The following PAX5 variants were observed in gnomAD, a reference collection of about 807,000 sequenced individuals.
PAX5 encodes paired box 5.
In PAX5, 9 loss-of-function variants were observed where a neutral mutation model predicts 43.7. The ratio of observed to expected loss-of-function variants is 0.21; its 90% CI spans 0.12 to 0.36. The LOEUF (loss-of-function observed/expected upper bound fraction) is 0.36, where lower values mean the gene tolerates loss of function less well. PAX5 is among the 10% of genes least tolerant of loss of function. The pLI is 1.00. For synonymous variants in PAX5, 228 were observed against 214.3 expected, an observed-to-expected ratio of 1.06 and a Z score of -0.56; for missense variants, 383 against 532.7, an observed-to-expected ratio of 0.72 and a Z score of 2.77.
chr9:36,895,309 ATC>A (rs959407612), intron 7 of PAX5, among the ~76,000 whole-genome samples: 7 of 152,202 alleles, frequency 4.6e-5, no homozygotes, highest in Admixed American at 2.6e-4. Context: ...CAGCACTGGG[ATC>A]TTTCTATTTG....
chr9:36,964,262 CACA>C (rs1834222821), intron 6 of PAX5, among the ~76,000 whole-genome samples: 1 of 151,464 alleles, frequency 6.6e-6, no homozygotes, highest in South Asian at 2.1e-4. Context: ...GCCTGGGCGA[CACA>C]ACAAGATTCT....
intron 6 of PAX5, among the ~76,000 whole-genome samples, chr9:36,925,087 C>T (rs1830542744): frequency 6.6e-6 from 1 of 152,068 alleles, no homozygotes; most frequent in Non-Finnish European, 1.5e-5. Flanking sequence ...AAAGGAGCCA[C>T]TGGGTGGCAG....
intron 1 of PAX5, among the ~76,000 whole-genome samples, chr9:37,029,230 C>G (rs974617399): frequency 1.6e-4 from 24 of 152,208 alleles, no homozygotes; most frequent in Non-Finnish European, 2.9e-4. Context: ...TTGTTTTATT[C>G]TCTGCCTCGG....
At chr9:36,948,779 C>A (rs1008661673) in intron 6 of PAX5, among the ~76,000 whole-genome samples, 2 of 152,018 alleles carry the variant, frequency 1.3e-5, no homozygotes, top group African/African-American at 4.8e-5. Context: ...CAAGACAATT[C>A]TTAGCCACTT....
At chr9:36,917,889 T>C (rs941666222) in intron 7 of PAX5, among the ~76,000 whole-genome samples, 4 of 152,166 alleles carry the variant, frequency 2.6e-5, no homozygotes, top group East Asian at 3.8e-4. Flanking sequence ...TATTATTATA[T>C]CTGTTATGGT....
intron 8 of PAX5, among the ~76,000 whole-genome samples, chr9:36,875,449 G>T (rs1825828277): frequency 1.3e-5 from 2 of 152,194 alleles, no homozygotes; most frequent in South Asian, 4.1e-4. Context: ...AATGACTTCA[G>T]CTGGGCTTAG....
At chr9:36,916,460 A>G (rs1167355992) in intron 7 of PAX5, among the ~76,000 whole-genome samples, 1 of 152,218 alleles carries the variant, frequency 6.6e-6, no homozygotes, top group East Asian at 1.9e-4. Flanking sequence ...ATTTTGATAA[A>G]GTCAAAAGAA....
At chr9:36,902,283 A>G (rs1379339168) in intron 7 of PAX5, among the ~76,000 whole-genome samples, 2 of 152,190 alleles carry the variant, frequency 1.3e-5, no homozygotes, top group Admixed American at 6.5e-5. Flanking sequence ...CTTCTTCCCA[A>G]ATCACAGACA....
intron 8 of PAX5, among the ~76,000 whole-genome samples, chr9:36,876,696 G>C (rs952745436): frequency 6.6e-6 from 1 of 152,184 alleles, no homozygotes; most frequent in Non-Finnish European, 1.5e-5. Context: ...TTTGAAAACT[G>C]TTTCCTTTCT....
In PAX5 at chr9:36,930,824, C is replaced by T. The variant is rs577264022; in HGVS notation, c.781-7340G>A. Reference sequence around the variant, plus strand: ...GAGGTTCAGGAATTCTAGCAAGGGACTCAAGGAGGCACGTGCCCCAGGAGA... The same window carrying T: ...GAGGTTCAGGAATTCTAGCAAGGGATTCAAGGAGGCACGTGCCCCAGGAGA... On this transcript the variant is annotated intron_variant, in intron 6 of 9. Transcript: ENST00000358127. 68 of 1,302,066 alleles carry T rather than the reference C, an allele frequency of 5.2e-5. 1 individual carries two copies. The highest frequency in any genetic ancestry group is 4.2e-4 in the Middle Eastern group (2 of 4,778). The allele number at this position is 1,302,066 out of a possible 1,614,324, so 80.7% of individuals were successfully genotyped here.
At chr9:36,883,164 C>A (rs779892852) in intron 7 of PAX5, among the ~76,000 whole-genome samples, 3 of 152,132 alleles carry the variant, frequency 2.0e-5, no homozygotes, top group Non-Finnish European at 2.9e-5. Flanking sequence ...AGTCTGCCCC[C>A]CTGCCCCCTG....
chr9:36,949,775 C>T (rs1052252451), intron 6 of PAX5, among the ~76,000 whole-genome samples: 2 of 152,208 alleles, frequency 1.3e-5, no homozygotes, highest in African/African-American at 4.8e-5. Context: ...GGCATGGGGT[C>T]TGCAAAATTC....
chr9:36,994,801 T>A (rs1266600886), intron 5 of PAX5, among the ~76,000 whole-genome samples: 2 of 152,124 alleles, frequency 1.3e-5, no homozygotes, highest in African/African-American at 2.4e-5. Context: ...CAGGCATCCA[T>A]CCATACATGA....
At chr9:37,006,894 G>A (rs770338757) in intron 3 of PAX5, among the ~76,000 whole-genome samples, 5 of 152,174 alleles carry the variant, frequency 3.3e-5, no homozygotes, top group African/African-American at 4.8e-5. Flanking sequence ...GACTCATTGA[G>A]TGACTTTAGG....
chr9:36,836,617 G>A lies in PAX5; in HGVS notation c.*3943C>T, dbSNP rs1821660333. 1 of 232,868 alleles carries A rather than the reference G, an allele frequency of 4.3e-6. No individual in the cohort carries two copies. The highest frequency in any genetic ancestry group is 5.6e-5 in the Admixed American group (1 of 17,764). 14.4% of individuals were successfully genotyped at this position (232,868 alleles called of 1,614,324 possible). On this transcript the variant is annotated 3_prime_UTR_variant, in exon 10 of 10. Coordinates refer to ENST00000358127, the MANE Select transcript of PAX5 (RefSeq NM_016734.3). Reference sequence around the variant, plus strand: ...GTACTGTCTGGTGCGCTGCCCGAGTGGCAAGGCTACACCACCCCGTTCACC... The same window carrying A: ...GTACTGTCTGGTGCGCTGCCCGAGTAGCAAGGCTACACCACCCCGTTCACC...
chr9:36,931,005 A>AGGGCAGCGCATG, intron 6 of PAX5: 1 of 516,296 alleles, frequency 1.9e-6, no homozygotes. Flanking sequence ...AGCACAAAAG[A>AGGGCAGCGCATG]GGGCAGCGCA....
rs558856890 is a variant in PAX5 at position 36,848,239 on chromosome 9, G to C, written c.1013-1310C>G. ...CCCAAGCCTAGAGGTGGGCCCCTGGGGATCTGCCAGGTGGGGCAGGAATAA... is the reference window on the plus strand; with the variant it reads ...CCCAAGCCTAGAGGTGGGCCCCTGGCGATCTGCCAGGTGGGGCAGGAATAA... On this transcript the variant is annotated intron_variant, in intron 8 of 9. Transcript: ENST00000358127. 2.6e-5 allele frequency among the ~76,000 whole-genome samples: 4 copies of C among 152,170 alleles called. No individual in the cohort carries two copies. In the South Asian group the frequency reaches 8.3e-4, roughly 32 times the overall value.
At chr9:37,026,651 G>T (rs1840407082) in intron 1 of PAX5, 1 of 1,349,472 alleles carries the variant, frequency 7.4e-7, no homozygotes, top group Non-Finnish European at 9.7e-7. Flanking sequence ...CGGATAGGGA[G>T]CCTCGCCACC....
intron 6 of PAX5, among the ~76,000 whole-genome samples, chr9:36,954,164 C>A (rs540247984): frequency 6.6e-6 from 1 of 151,202 alleles, no homozygotes; most frequent in South Asian, 2.1e-4. Context: ...TTTTTCTTGC[C>A]TAATATTTTG....
Sources: allele counts gnomAD v4.1 joint callset (sites outside exome capture counted in the v4.1 genomes callset), GRCh38; gene constraint gnomAD v4.1.1; transcripts MANE v1.5; gene names NCBI Gene and HGNC (gene_info 2026-07-23, HGNC 2026-07-21).